PSTK: variants seen among roughly 807,000 people sequenced by gnomAD.
PSTK encodes the protein L-seryl-tRNA(Sec) kinase.
PSTK carries 26 observed loss-of-function variants against 38.6 expected under a neutral mutation model. That is an observed-to-expected ratio of 0.67 (90% CI 0.49 to 0.94). The LOEUF (loss-of-function observed/expected upper bound fraction) is 0.94. Ranked by LOEUF, PSTK falls within the 40% of genes least tolerant of loss-of-function variation. The probability of loss-of-function intolerance (pLI) is 0.00; values close to 1 mark genes in which losing one functional copy is unlikely to be tolerated. For missense variants in PSTK, 445 were observed against 436.3 expected, an observed-to-expected ratio of 1.02 and a Z score of -0.18; for synonymous variants, 181 against 161.7, an observed-to-expected ratio of 1.12 and a Z score of -0.91.
intron 3 of PSTK, 71 bp from the exon 4 acceptor site, chr10:122,986,229 A>T: frequency 6.2e-6 from 1 of 162,188 alleles, no homozygotes; most frequent in Non-Finnish European, 1.1e-5. Flanking sequence ...ACTCCATCTC[A>T]AAAAAAAAAA....
At chr10:122,981,763 G>A (rs1174773976) in intron 1 of PSTK, among the ~76,000 whole-genome samples, 17 of 152,108 alleles carry the variant, frequency 1.1e-4, no homozygotes, top group Non-Finnish European at 4.4e-5. Flanking sequence ...TCAACACTTC[G>A]GAGAAAGCTG....
At chr10:122,987,292 AG>A in intron 5 of PSTK, 1 of 1,576,162 alleles carries the variant, frequency 6.3e-7, no homozygotes, top group Non-Finnish European at 8.6e-7. Flanking sequence ...AATTTAAGTA[AG>A]GTAAGGCAGT....
intron 3 of PSTK, 52 bp from the exon 4 acceptor site, chr10:122,986,247 AG>A (rs1242209041): frequency 9.2e-7 from 1 of 1,091,496 alleles, no homozygotes; most frequent in Non-Finnish European, 1.3e-6. Context: ...AAAAAAAAAA[AG>A]TCAGATGTTG....
chr10:122,989,164 T>C (rs1254315684), intron 5 of PSTK, among the ~76,000 whole-genome samples: 1 of 89,660 alleles, frequency 1.1e-5, no homozygotes, highest in Non-Finnish European at 2.0e-5. Flanking sequence ...AGTGGATGTG[T>C]GGTTGCTTAG....
chr10:122,990,142 A>T (rs1849111072), intron 5 of PSTK, 32 bp from the exon 6 acceptor site: 17 of 1,405,478 alleles, frequency 1.2e-5, no homozygotes, highest in Non-Finnish European at 1.6e-5. Flanking sequence ...TTTAATTTAC[A>T]CCAGTAATTT....
chr10:122,986,547 A>G (rs1849036661), intron 4 of PSTK, 172 bp downstream of exon 4: 6 of 624,574 alleles, frequency 9.6e-6, no homozygotes, highest in East Asian at 2.8e-5. Flanking sequence ...GCCGATTGTT[A>G]AACTTTCAAA....
intron 3 of PSTK, 179 bp downstream of exon 3, chr10:122,983,649 CAA>C: frequency 1.7e-6 from 1 of 598,702 alleles, no homozygotes. Flanking sequence ...GATTTGAACC[CAA>C]GTTTATTTGC....
intron 3 of PSTK, 55 bp downstream of exon 3, chr10:122,983,525 C>A: frequency 1.3e-6 from 2 of 1,502,494 alleles, no homozygotes; most frequent in South Asian, 1.2e-5. Flanking sequence ...GTATCATGGT[C>A]AGTGCTTTGT....
At chr10:122,982,314 TATTC>T (rs1333947374) in intron 1 of PSTK, 15 of 157,794 alleles carry the variant, frequency 9.5e-5, no homozygotes, top group Admixed American at 1.9e-4. Context: ...TTTATTCACT[TATTC>T]AGTCAGTCAT....
Position 122,982,727 on chromosome 10 carries a change from T to A in PSTK, c.217-6T>A. ...ATATGAATTGCAATTCTTTGGTCTC[T>A]TGTAGCCATCCCAATGGAAATTGCT... On this transcript the variant is annotated splice_region_variant and splice_polypyrimidine_tract_variant and intron_variant, in intron 1 of 5. Coordinates refer to ENST00000406217, the MANE Select transcript of PSTK (RefSeq NM_001363531.2). 2 of 1,613,766 alleles carry A rather than the reference T, an allele frequency of 1.2e-6. No individual in the cohort carries two copies. The highest frequency in any genetic ancestry group is 8.5e-7 in the Non-Finnish European group (1 of 1,179,758).
intron 5 of PSTK, chr10:122,987,612 G>C (rs938827659): frequency 1.3e-5 from 19 of 1,432,074 alleles, no homozygotes; most frequent in Middle Eastern, 2.5e-4. Context: ...GAAATATGTG[G>C]TAACTAGAGT....
intron 5 of PSTK, among the ~76,000 whole-genome samples, chr10:122,989,780 A>G (rs1849100547): frequency 6.6e-6 from 1 of 152,254 alleles, no homozygotes; most frequent in African/African-American, 2.4e-5. Flanking sequence ...CCATCACTGC[A>G]GAAAGTTATG....
In PSTK at chr10:122,986,943, G is replaced by A. The variant is rs1486289793; in HGVS notation, c.858G>A (p.Gln286=). ...TDQTLRRIVS[Q]TMKEAKDEQV... ...AGACACTCCGAAGGATTGTATCTCA[G>A]ACAATGAAGGAAGCAAAAGGTATGA... Residue 286 remains glutamine (Q), a synonymous_variant, in exon 5 of 6, where the codon CAG becomes CAA. Transcript: ENST00000406217. 1.7e-5 allele frequency: 28 copies of A among 1,610,316 alleles called. No homozygotes were observed. Among genetic ancestry groups the A allele is most frequent in the Non-Finnish European group, 2.4e-5 (28 of 1,176,734 alleles).
At chr10:122,981,831 G>GT (rs752578850) in intron 1 of PSTK, among the ~76,000 whole-genome samples, 1 of 152,160 alleles carries the variant, frequency 6.6e-6, no homozygotes, top group African/African-American at 2.4e-5. Context: ...GTATTATGTT[G>GT]TTTTTTCCAC....
Position 122,986,858 on chromosome 10 carries a change from T to C in PSTK, c.784-11T>C, listed in dbSNP as rs1589708533. The C allele has an allele frequency of 2.6e-6, 4 of 1,518,614 alleles. No homozygotes were observed. The highest frequency in any genetic ancestry group is 1.1e-5 in the South Asian group (1 of 88,400). 94.1% of individuals were successfully genotyped at this position (1,518,614 alleles called of 1,614,324 possible). ...ATGTGACTTCTAATAACAATGTCTG[T>C]ATTAACATAGGACACAGACAGAATT... On this transcript the variant is annotated splice_polypyrimidine_tract_variant and intron_variant, in intron 4 of 5. Coordinates refer to ENST00000406217, the MANE Select transcript of PSTK (RefSeq NM_001363531.2).
Position 122,980,432 on chromosome 10 carries a change from G to A in PSTK, c.-48G>A. On this transcript the variant is annotated 5_prime_UTR_variant, in exon 1 of 6. Coordinates refer to ENST00000406217, the MANE Select transcript of PSTK (RefSeq NM_001363531.2). The surrounding 1 kb of genome is among the most constrained non-coding windows in gnomAD (Gnocchi z 4.3). The stretch of plus-strand genomic sequence containing the variant: ...GCTGCGCGTGCGCGCAGGGCAGACG[G>A]TAGAGCGGAGACGACGCTCCCAGAC... 2 of 1,520,092 alleles carry A rather than the reference G, an allele frequency of 1.3e-6. No homozygotes were observed. Among genetic ancestry groups the A allele is most frequent in the East Asian group, 2.4e-5 (1 of 41,014 alleles). 94.2% of individuals were successfully genotyped at this position (1,520,092 alleles called of 1,614,324 possible).
At position 122,990,379 on chromosome 10, in the gene PSTK, C is replaced by G; in HGVS notation, c.*6C>G. 1 of 1,402,088 alleles carries G rather than the reference C, an allele frequency of 7.1e-7. No homozygotes were observed. The highest frequency in any genetic ancestry group is 9.5e-7 in the Non-Finnish European group (1 of 1,054,566). The allele number at this position is 1,402,088 out of a possible 1,614,324, so 86.9% of individuals were successfully genotyped here. ...ATTTTTCAAAGCAGCATTAAAATTT[C>G]TGAACTGCCAATCAAATGTCTCATT... On this transcript the variant is annotated 3_prime_UTR_variant, in exon 6 of 6. Coordinates refer to ENST00000406217, the MANE Select transcript of PSTK (RefSeq NM_001363531.2).
rs534382744 is a variant in PSTK, at chr10:122,990,210, CAGA to C, written c.919_921del (p.Glu307del). On this transcript the variant is annotated inframe_deletion, in exon 6 of 6. Coordinates refer to ENST00000406217, the MANE Select transcript of PSTK (RefSeq NM_001363531.2). ...CTTCCTCACAACTTGAAGCTTCTAGCAGAAGAACTTAACAAGCTCAAAGCAGAG... is the reference window on the plus strand; with the variant it reads ...CTTCCTCACAACTTGAAGCTTCTAGCAGAACTTAACAAGCTCAAAGCAGAG... 22 of 1,528,276 alleles carry C rather than the reference CAGA, an allele frequency of 1.4e-5. No individual in the cohort carries two copies. The East Asian group carries it at 1.7e-4, about 12-fold the overall frequency. 94.7% of individuals were successfully genotyped at this position (1,528,276 alleles called of 1,614,324 possible).
In PSTK at chr10:122,980,677, G is replaced by C. The variant is rs142586080; in HGVS notation, c.198G>C (p.Gly66=). 6.4e-7 allele frequency: 1 copy of C among 1,553,796 alleles called. No individual in the cohort carries two copies. The highest frequency in any genetic ancestry group is 8.7e-7 in the Non-Finnish European group (1 of 1,144,576). The change falls in exon 1 of 6, where the codon GGG becomes GGC. Residue 66 remains glycine, a synonymous_variant. Coordinates refer to ENST00000406217, the MANE Select transcript of PSTK (RefSeq NM_001363531.2). The surrounding 1 kb of genome is among the most constrained non-coding windows in gnomAD (Gnocchi z 4.3). ...DDVMPDAFLA[G]ARARPAPSQW... is the part of the protein sequence containing the mutation. ...TCATGCCCGACGCGTTTCTCGCCGG[G>C]GCAAGAGCGCGACCGGCGGTCAGCA...
Sources: allele counts gnomAD v4.1 joint callset (sites outside exome capture counted in the v4.1 genomes callset), GRCh38; gene constraint gnomAD v4.1.1; non-coding constraint Gnocchi (gnomAD v3.1); transcripts MANE v1.5; gene names NCBI Gene and HGNC (gene_info 2026-07-23, HGNC 2026-07-21).